The following NAPG variants were observed in gnomAD, a reference collection of about 807,000 sequenced individuals.
The protein encoded by NAPG is gamma-soluble NSF attachment protein.
In NAPG, 25 loss-of-function variants were observed where a neutral mutation model predicts 48.4. The observed-to-expected ratio is 0.52, with a 90% CI of 0.38 to 0.72. NAPG has a LOEUF of 0.72. NAPG is among the 30% of genes least tolerant of loss of function. NAPG has a pLI of 0.00. For missense variants in NAPG, 359 were observed against 372.5 expected, an observed-to-expected ratio of 0.96 and a Z score of 0.30; for synonymous variants, 139 against 127.2, an observed-to-expected ratio of 1.09 and a Z score of -0.62.
In NAPG at chr18:10,550,674, A is replaced by G. The variant is rs1233790202; in HGVS notation, c.*454A>G. 1.9e-5 allele frequency: 3 copies of G among 154,690 alleles called. No homozygotes were observed. The highest frequency in any genetic ancestry group is 4.8e-5 in the African/African-American group (2 of 41,470). The allele number at this position is 154,690 out of a possible 1,614,324, so 9.6% of individuals were successfully genotyped here. ...TTAAAATTTTTTTGTTTTGAAAAGT[A>G]AATTTATCCCCCATGATGTTAGATA... is the stretch of plus-strand genomic sequence containing the variant. On this transcript the variant is annotated 3_prime_UTR_variant, in exon 12 of 12. Coordinates refer to ENST00000322897, the MANE Select transcript of NAPG (RefSeq NM_003826.3).
At chr18:10,531,189 G>C (rs981797542) in intron 2 of NAPG, among the ~76,000 whole-genome samples, 7 of 152,138 alleles carry the variant, frequency 4.6e-5, no homozygotes, top group Non-Finnish European at 8.8e-5. Flanking sequence ...ATTGAATTAG[G>C]AGTTTGTTAA....
intron 2 of NAPG, 109 bp downstream of exon 2, chr18:10,530,946 TAAA>T (rs1053830898): frequency 2.3e-6 from 2 of 872,792 alleles, no homozygotes; most frequent in African/African-American, 3.5e-5. Flanking sequence ...CTTTAATAGT[TAAA>T]AAACAAACAA....
chr18:10,535,988 C>T (rs935836571), intron 5 of NAPG, among the ~76,000 whole-genome samples: 2 of 152,160 alleles, frequency 1.3e-5, no homozygotes, highest in African/African-American at 4.8e-5. Flanking sequence ...TCATTTTCCT[C>T]TGAGAATTAG....
At chr18:10,531,954 G>A (rs1177870652) in intron 2 of NAPG, among the ~76,000 whole-genome samples, 4 of 152,180 alleles carry the variant, frequency 2.6e-5, no homozygotes, top group African/African-American at 7.2e-5. Flanking sequence ...GAGGGGAATA[G>A]CTTCAGTATT....
intron 4 of NAPG, 70 bp downstream of exon 4, chr18:10,533,623 G>T: frequency 7.5e-7 from 1 of 1,331,596 alleles, no homozygotes; most frequent in Non-Finnish European, 1.0e-6. Flanking sequence ...CTGTAGGTTG[G>T]TAATTTTTTC....
At chr18:10,535,456 A>T (rs1473712952) in intron 5 of NAPG, among the ~76,000 whole-genome samples, 2 of 152,338 alleles carry the variant, frequency 1.3e-5, no homozygotes, top group South Asian at 2.1e-4. Flanking sequence ...CAATTATCTA[A>T]ATTTTGAATA....
At chr18:10,540,144 T>A in intron 7 of NAPG, 90 bp downstream of exon 7, 1 of 1,206,124 alleles carries the variant, frequency 8.3e-7, no homozygotes, top group Non-Finnish European at 1.2e-6. Flanking sequence ...TGGCTACTTT[T>A]AAAACTTTTC....
At chr18:10,532,646 A>G (rs2031950848) in intron 2 of NAPG, 65 bp from the exon 3 acceptor site, 2 of 1,245,034 alleles carry the variant, frequency 1.6e-6, no homozygotes, top group Non-Finnish European at 2.3e-6. Flanking sequence ...TAAAATGCAG[A>G]TTTCAGTAAT....
rs1466309104 is a variant in NAPG at position 10,552,405 on chromosome 18, C to G, written c.*2185C>G. 2.0e-5 allele frequency: 3 copies of G among 152,196 alleles called. No individual in the cohort carries two copies. Among genetic ancestry groups the G allele is most frequent in the Non-Finnish European group, 4.4e-5 (3 of 68,036 alleles). The allele number at this position is 152,196 out of a possible 1,614,324, so 9.4% of individuals were successfully genotyped here. A position where few individuals can be genotyped will look rare whatever the true frequency, so the allele number is the denominator to read the frequency against. ...CACATTTATACATTTTCTTTTTCCA[C>G]TCACGTAAGTTTCTATCTTGAGAGC... On this transcript the variant is annotated 3_prime_UTR_variant, in exon 12 of 12. Coordinates refer to ENST00000322897, the MANE Select transcript of NAPG (RefSeq NM_003826.3).
intron 8 of NAPG, among the ~76,000 whole-genome samples, chr18:10,545,122 G>A (rs1330119018): frequency 6.6e-6 from 1 of 152,094 alleles, no homozygotes; most frequent in Non-Finnish European, 1.5e-5. Flanking sequence ...GACCAGCCTG[G>A]CCAACATAGC....
At position 10,550,138 on chromosome 18, in the gene NAPG, C is replaced by T. The variant is rs1471270831; in HGVS notation, c.857C>T (p.Ala286Val). Reference sequence around the variant, plus strand: ...GGGGGAATCAAGAAGAAATCACCTGCAACACCACAGGCCAAGCCTGATGGT... The same window carrying T: ...GGGGGAATCAAGAAGAAATCACCTGTAACACCACAGGCCAAGCCTGATGGT... ...PGGGIKKKSP[A>V]TPQAKPDGVT... is the part of the protein sequence containing the mutation. Residue 286 changes from alanine to valine, a missense_variant, in exon 12 of 12, where the codon GCA (alanine) becomes GTA (valine). Ala to Val is a moderately conservative substitution (Grantham distance 64). Coordinates refer to ENST00000322897, the MANE Select transcript of NAPG (RefSeq NM_003826.3). The T allele has an allele frequency of 1.9e-6, 3 of 1,577,514 alleles. No homozygotes were observed. In the South Asian group the frequency reaches 3.5e-5, roughly 19 times the overall value.
At chr18:10,547,681 A>G (rs1261949301) in intron 9 of NAPG, among the ~76,000 whole-genome samples, 23 of 152,218 alleles carry the variant, frequency 1.5e-4, no homozygotes, top group Admixed American at 1.5e-3. Context: ...TTGTGAACTT[A>G]AAGATAGATC....
chr18:10,537,404 G>A (rs1388483612), intron 5 of NAPG, among the ~76,000 whole-genome samples: 2 of 152,184 alleles, frequency 1.3e-5, no homozygotes, highest in Non-Finnish European at 2.9e-5. Flanking sequence ...AATATATTTA[G>A]TGTTCTTTAA....
At chr18:10,527,189 A>AAC (rs2031834850) in intron 1 of NAPG, among the ~76,000 whole-genome samples, 2 of 134,226 alleles carry the variant, frequency 1.5e-5, no homozygotes, top group South Asian at 4.7e-4. Flanking sequence ...CTCCGTCTCA[A>AAC]AAAAAAAAAA....
intron 8 of NAPG, among the ~76,000 whole-genome samples, chr18:10,541,092 G>T (rs1481311411): frequency 6.6e-6 from 1 of 152,140 alleles, no homozygotes; most frequent in Non-Finnish European, 1.5e-5. Context: ...AAATAGAAAT[G>T]ACTGATGAAT....
chr18:10,528,324 A>G (rs1052507685), intron 1 of NAPG, among the ~76,000 whole-genome samples: 1 of 152,232 alleles, frequency 6.6e-6, no homozygotes, highest in Non-Finnish European at 1.5e-5. Flanking sequence ...TACTGGAGTA[A>G]CCAAAAGTGG....
chr18:10,540,488 A>AGC (rs2032132860), intron 8 of NAPG, 89 bp downstream of exon 8: 5 of 1,076,918 alleles, frequency 4.6e-6, no homozygotes, highest in Admixed American at 1.9e-5. Context: ...TAGCTTGTTA[A>AGC]TTTTTTGGTA....
intron 7 of NAPG, 83 bp downstream of exon 7, chr18:10,540,137 C>G: frequency 8.0e-7 from 1 of 1,249,126 alleles, no homozygotes; most frequent in South Asian, 1.4e-5. Flanking sequence ...AGTGCAGTGG[C>G]TACTTTTAAA....
In NAPG at chr18:10,539,739, T is replaced by C. The variant is rs2143120084; in HGVS notation, c.259-23T>C. On this transcript the variant is annotated intron_variant, in intron 5 of 11. Coordinates refer to ENST00000322897, the MANE Select transcript of NAPG (RefSeq NM_003826.3). The surrounding 1 kb of genome is among the most constrained non-coding windows in gnomAD (Gnocchi z 4.7). ...TTTAATTGATGCATTTGCTGACCTG[T>C]CTACTGTATCCTTTGCCCAAAGGAG... 3 of 1,579,784 alleles carry C rather than the reference T, an allele frequency of 1.9e-6. No individual in the cohort carries two copies. The South Asian group carries it at 3.3e-5, about 18-fold the overall frequency.
Sources: allele counts gnomAD v4.1 joint callset (sites outside exome capture counted in the v4.1 genomes callset), GRCh38; gene constraint gnomAD v4.1.1; non-coding constraint Gnocchi (gnomAD v3.1); transcripts MANE v1.5; gene names NCBI Gene and HGNC (gene_info 2026-07-23, HGNC 2026-07-21).